AGBL4: variants seen among roughly 807,000 people sequenced by gnomAD.
AGBL4 encodes cytosolic carboxypeptidase 6.
Under a neutral mutation model 66.4 loss-of-function variants are expected in AGBL4, and 58 were observed. That is an observed-to-expected ratio of 0.87 (90% CI 0.71 to 1.09). The LOEUF is 1.09. Among genes scored for constraint, AGBL4 ranks in the 50% least tolerant of loss-of-function variants. The probability of loss-of-function intolerance (pLI) is 0.00; values close to 1 mark genes in which losing one functional copy is unlikely to be tolerated. For synonymous variants in AGBL4, 234 were observed against 222.9 expected (o/e 1.05, Z -0.44); for missense variants, 579 against 631.0 (o/e 0.92, Z 0.88).
At chr1:49,648,645 GT>G (rs1645939914) in intron 3 of AGBL4, among the ~76,000 whole-genome samples, 1 of 151,926 alleles carries the variant, frequency 6.6e-6, no homozygotes, top group Non-Finnish European at 1.5e-5. Flanking sequence ...CTAGGGGTAA[GT>G]AAAAATAAGA....
intron 4 of AGBL4, among the ~76,000 whole-genome samples, chr1:49,121,850 TG>T (rs1569680553): frequency 1.3e-5 from 2 of 152,360 alleles, no homozygotes; most frequent in East Asian, 3.9e-4. Flanking sequence ...CTTGCTGAGC[TG>T]CAGTGGGCTC....
chr1:49,043,576 T>C (rs1367029437), intron 5 of AGBL4, among the ~76,000 whole-genome samples: 2 of 152,322 alleles, frequency 1.3e-5, no homozygotes. Context: ...AAATAACCCA[T>C]TTATTAAACC....
chr1:48,650,857 A>G (rs563489565), intron 8 of AGBL4, among the ~76,000 whole-genome samples: 7 of 152,312 alleles, frequency 4.6e-5, no homozygotes, highest in African/African-American at 9.6e-5. Flanking sequence ...AATTTTGAAA[A>G]GTCGTATGAA....
intron 2 of AGBL4, among the ~76,000 whole-genome samples, chr1:49,722,030 AT>A (rs1243433606): frequency 6.6e-6 from 1 of 152,148 alleles, no homozygotes; most frequent in African/African-American, 2.4e-5. Context: ...CCAGAGGTGA[AT>A]TTATTAAAAG....
At chr1:48,575,417 C>T (rs1001545080) in intron 11 of AGBL4, among the ~76,000 whole-genome samples, 9 of 152,178 alleles carry the variant, frequency 5.9e-5, no homozygotes, top group Admixed American at 5.2e-4. Flanking sequence ...CATTTACTTA[C>T]GATATGTTCA....
intron 1 of AGBL4, among the ~76,000 whole-genome samples, chr1:49,873,727 T>C (rs892950319): frequency 1.4e-4 from 22 of 151,962 alleles, no homozygotes; most frequent in African/African-American, 4.6e-4. Flanking sequence ...GCCCTCAAAA[T>C]CATCTTTGGA....
intron 4 of AGBL4, among the ~76,000 whole-genome samples, chr1:49,140,485 A>G (rs1646097430): frequency 6.6e-6 from 1 of 152,236 alleles, no homozygotes; most frequent in African/African-American, 2.4e-5. Flanking sequence ...AAGACAGTGT[A>G]TTCACAACTG....
intron 3 of AGBL4, among the ~76,000 whole-genome samples, chr1:49,524,048 T>C (rs1390258452): frequency 2.0e-5 from 3 of 152,138 alleles, no homozygotes; most frequent in Admixed American, 1.3e-4. Flanking sequence ...TTGTACACAT[T>C]GTGTCATTTA....
At chr1:48,571,301 T>A (rs1644559234) in intron 11 of AGBL4, among the ~76,000 whole-genome samples, 1 of 152,236 alleles carries the variant, frequency 6.6e-6, no homozygotes, top group South Asian at 2.1e-4. Context: ...TCAGCTCAAA[T>A]CCCCGCATTC....
intron 2 of AGBL4, among the ~76,000 whole-genome samples, chr1:49,807,622 T>C (rs186034981): frequency 2.6e-5 from 4 of 152,296 alleles, no homozygotes; most frequent in African/African-American, 9.6e-5. Context: ...TTTGAGTTGA[T>C]GCTGGAAATA....
At chr1:48,959,146 A>AACT (rs1380627182) in intron 5 of AGBL4, among the ~76,000 whole-genome samples, 2 of 152,208 alleles carry the variant, frequency 1.3e-5, no homozygotes, top group African/African-American at 4.8e-5. Flanking sequence ...CATGGATTAT[A>AACT]TTGCTAACTT....
At chr1:48,576,983 C>G (rs1644664189) in intron 11 of AGBL4, among the ~76,000 whole-genome samples, 1 of 152,194 alleles carries the variant, frequency 6.6e-6, no homozygotes, top group Non-Finnish European at 1.5e-5. Context: ...ATTCTTTTTA[C>G]TCTAAAGGCA....
chr1:49,588,009 C>T (rs1481787173), intron 3 of AGBL4, among the ~76,000 whole-genome samples: 2 of 152,022 alleles, frequency 1.3e-5, no homozygotes, highest in Non-Finnish European at 2.9e-5. Flanking sequence ...GATTCCCTCA[C>T]CTAAAGTTCC....
intron 6 of AGBL4, among the ~76,000 whole-genome samples, chr1:48,761,814 C>G (rs929853968): frequency 2.0e-5 from 3 of 152,156 alleles, no homozygotes; most frequent in African/African-American, 7.2e-5. Flanking sequence ...CTGATCTAAA[C>G]TAAAATGGCA....
At chr1:48,643,242 G>T (rs915982193) in intron 8 of AGBL4, among the ~76,000 whole-genome samples, 1 of 152,284 alleles carries the variant, frequency 6.6e-6, no homozygotes, top group Middle Eastern at 3.4e-3. Context: ...GATAGGGCCT[G>T]TGAGCTAATA....
At chr1:48,938,758 C>T (rs1018066271) in intron 5 of AGBL4, among the ~76,000 whole-genome samples, 2 of 152,182 alleles carry the variant, frequency 1.3e-5, no homozygotes, top group Non-Finnish European at 2.9e-5. Context: ...ACGCCAAACT[C>T]CAAGTATCAC....
intron 5 of AGBL4, among the ~76,000 whole-genome samples, chr1:48,877,623 G>A (rs1558059567): frequency 6.6e-6 from 1 of 152,000 alleles, no homozygotes; most frequent in East Asian, 1.9e-4. Context: ...ATAAGGATAG[G>A]CAAAATTAGA....
intron 3 of AGBL4, among the ~76,000 whole-genome samples, chr1:49,360,988 G>GAAAAA (rs1644124031): frequency 6.6e-6 from 1 of 151,854 alleles, no homozygotes; most frequent in South Asian, 2.1e-4. Context: ...AATAAAGAAA[G>GAAAAA]AGTTTCACCG....
chr1:48,716,179 A>G (rs1647047354), intron 6 of AGBL4, among the ~76,000 whole-genome samples: 1 of 152,204 alleles, frequency 6.6e-6, no homozygotes, highest in Non-Finnish European at 1.5e-5. Context: ...GCTCTGAAAC[A>G]TGATTATCCT....
Sources: gnomAD v4.1 joint callset for allele counts (sites outside exome capture counted in the v4.1 genomes callset) on GRCh38, gnomAD v4.1.1 for gene constraint, MANE v1.5 for transcripts, NCBI Gene and HGNC (gene_info 2026-07-23, HGNC 2026-07-21) for gene names.